The following MYO7B variants were observed in gnomAD, a reference collection of about 807,000 sequenced individuals.
The protein encoded by MYO7B is unconventional myosin-VIIb.
Under a neutral mutation model 259.7 loss-of-function variants are expected in MYO7B, and 212 were observed. That is an observed-to-expected ratio of 0.82 (90% CI 0.73 to 0.91). MYO7B has a LOEUF of 0.91. MYO7B is among the 40% of genes least tolerant of loss of function. The probability of loss-of-function intolerance (pLI) is 0.00; values close to 1 mark genes in which losing one functional copy is unlikely to be tolerated. For missense variants in MYO7B, 2,732 were observed against 2,813.5 expected, an observed-to-expected ratio of 0.97 and a Z score of 0.66; for synonymous variants, 1,197 against 1,166.4, an observed-to-expected ratio of 1.03 and a Z score of -0.54.
At chr2:127,544,394 A>G (rs1486768377) in intron 1 of MYO7B, among the ~76,000 whole-genome samples, 1 of 151,934 alleles carries the variant, frequency 6.6e-6, no homozygotes, top group Non-Finnish European at 1.5e-5. Context: ...ACACTTTCAT[A>G]TAGTTCAACC....
At chr2:127,634,823 G>A in intron 42 of MYO7B, 140 bp downstream of exon 42, 1 of 823,736 alleles carries the variant, frequency 1.2e-6, no homozygotes, top group Non-Finnish European at 2.0e-6. Context: ...ACCAGGCCCT[G>A]GGGCCCGGCG....
chr2:127,574,176 C>T (rs1271127452), intron 7 of MYO7B, 114 bp downstream of exon 7: 12 of 1,330,504 alleles, frequency 9.0e-6, no homozygotes, highest in Non-Finnish European at 1.2e-5. Context: ...CCTCCCAGAA[C>T]CCACAGGCCT....
chr2:127,563,849 A>T (rs1309429281), intron 2 of MYO7B, among the ~76,000 whole-genome samples: 1 of 152,110 alleles, frequency 6.6e-6, no homozygotes, highest in East Asian at 1.9e-4. Context: ...CCACCTTCCT[A>T]AATAGTAGCC....
rs2105133805 is a variant in MYO7B, at chr2:127,631,754, G to A, written c.5249+1G>A. On this transcript the variant is annotated splice_donor_variant, in intron 38 of 47. Transcript: ENST00000409816. LOFTEE classifies it high-confidence loss of function. The stretch of plus-strand genomic sequence containing the variant: ...AGCAGCTGACGCACAACTCCAACAG[G>A]TCTGCTGGGGCGGCGGCCAGCCCAC... 1 of 1,612,066 alleles carries A rather than the reference G, an allele frequency of 6.2e-7. No homozygotes were observed. Among genetic ancestry groups the A allele is most frequent in the Non-Finnish European group, 8.5e-7 (1 of 1,179,464 alleles).
chr2:127,574,931 A>G (rs1678800013), intron 7 of MYO7B, among the ~76,000 whole-genome samples: 1 of 152,244 alleles, frequency 6.6e-6, no homozygotes, highest in African/African-American at 2.4e-5. Context: ...CCACAACAGC[A>G]GAATTAATGC....
intron 22 of MYO7B, 32 bp downstream of exon 22, chr2:127,608,910 C>T (rs761353947): frequency 6.9e-6 from 11 of 1,593,444 alleles, no homozygotes; most frequent in Non-Finnish European, 9.4e-6. Context: ...CAATCCGCCC[C>T]GGGTGGGGAC....
At position 127,636,238 on chromosome 2, in the gene MYO7B, G is replaced by A. The variant is rs200691709; in HGVS notation, c.6037G>A (p.Asp2013Asn). ...CCTTCTAGCCTATGACAAGCATAAGGACAAGACAGTGGAGGAGGCCAAGGT... is the reference window on the plus strand; with the variant it reads ...CCTTCTAGCCTATGACAAGCATAAGAACAAGACAGTGGAGGAGGCCAAGGT... ...SILLAYDKHK[D>N]KTVEEAKVAF... Residue 2013 changes from aspartate to asparagine, a missense_variant, in exon 45 of 48, where the codon GAC (aspartate) becomes AAC (asparagine). Physicochemically the swap from Asp to Asn is conservative, Grantham distance 23. Transcript: ENST00000409816. The surrounding 1 kb of genome is among the most constrained non-coding windows in gnomAD (Gnocchi z 4.5). The A allele has an allele frequency of 1.9e-6, 3 of 1,613,640 alleles. No homozygotes were observed. Among genetic ancestry groups the A allele is most frequent in the African/African-American group, 2.7e-5 (2 of 75,046 alleles).
intron 18 of MYO7B, 136 bp downstream of exon 18, chr2:127,593,780 C>A (rs889124796): frequency 2.6e-6 from 2 of 756,636 alleles, no homozygotes; most frequent in Non-Finnish European, 4.5e-6. Flanking sequence ...GTGTGGTCCC[C>A]ACCCTCAGGG....
Position 127,628,544 on chromosome 2 carries a change from CTGGGT to C in MYO7B, c.4624+10_4624+14del, listed in dbSNP as rs1558849340. ...GGACAGGAAGGCCACAGGTGCCAGA[CTGGGT>C]GGGGTGGGGTGGGGTGGGGTGGGGT... On this transcript the variant is annotated intron_variant, in intron 34 of 47. Coordinates refer to ENST00000409816, the MANE Select transcript of MYO7B (RefSeq NM_001393586.1). This position sits in a 1 kb window ranked among gnomAD's most constrained non-coding sequence, Gnocchi z 4.8. 1 of 515,950 alleles carries C rather than the reference CTGGGT, an allele frequency of 1.9e-6. No homozygotes were observed. The highest frequency in any genetic ancestry group is 2.6e-6 in the Non-Finnish European group (1 of 387,242). The allele number at this position is 515,950 out of a possible 1,614,324, so 32.0% of individuals were successfully genotyped here. A position where few individuals can be genotyped will look rare whatever the true frequency, so the allele number is the denominator to read the frequency against.
At position 127,627,103 on chromosome 2, in the gene MYO7B, C is replaced by T; in HGVS notation, c.4333+11C>T. On this transcript the variant is annotated intron_variant, in intron 32 of 47. Transcript: ENST00000409816. This position sits in a 1 kb window ranked among gnomAD's most constrained non-coding sequence, Gnocchi z 5.6. ...TCATCACACTCTCAGGTAATGGCAT[C>T]TGACAGGGGGCAGGGAGCAGGTATG... is the stretch of plus-strand genomic sequence containing the variant. 6.2e-7 allele frequency: 1 copy of T among 1,608,710 alleles called. No individual in the cohort carries two copies. Among genetic ancestry groups the T allele is most frequent in the Non-Finnish European group, 8.5e-7 (1 of 1,177,894 alleles).
At chr2:127,592,757 G>A (rs1679607421) in intron 16 of MYO7B, 37 bp from the exon 17 acceptor site, 1 of 1,589,322 alleles carries the variant, frequency 6.3e-7, no homozygotes, top group Non-Finnish European at 8.6e-7. Flanking sequence ...TGGAAAGTGG[G>A]GCTTGCGCTG....
In MYO7B at chr2:127,634,252, G is replaced by C. The variant is rs751827701; in HGVS notation, c.5588G>C (p.Trp1863Ser). ...SIATRLQLASWEGCSLFIKIS... is the reference protein window; with the variant it reads ...SIATRLQLASSEGCSLFIKIS... ...GCCACCAGGCTGCAGCTGGCCTCCT[G>C]GGAGGGCTGCAGCCTCTTCATCAAG... The change falls in exon 41 of 48, where the codon TGG (tryptophan) becomes TCG (serine). Residue 1863 changes from tryptophan to serine, a missense_variant. By Grantham distance (177) the Trp-to-Ser change is radical. Around this residue, in one of 3 missense-constraint regions of MYO7B, gnomAD observed 821 missense variants for 769.3 expected, o/e 1.07. Coordinates refer to ENST00000409816, the MANE Select transcript of MYO7B (RefSeq NM_001393586.1). The C allele has an allele frequency of 6.3e-7, 1 of 1,594,486 alleles. No homozygotes were observed. Among genetic ancestry groups the C allele is most frequent in the South Asian group, 1.1e-5 (1 of 87,766 alleles).
At chr2:127,596,350 C>G in intron 18 of MYO7B, 112 bp from the exon 19 acceptor site, 1 of 859,636 alleles carries the variant, frequency 1.2e-6, no homozygotes, top group Non-Finnish European at 1.9e-6. Context: ...TCTGGCCTGC[C>G]CTCCTGGGAG....
chr2:127,538,872 A>G (rs1044452509), intron 1 of MYO7B, among the ~76,000 whole-genome samples: 3 of 152,154 alleles, frequency 2.0e-5, no homozygotes, highest in African/African-American at 7.2e-5. Flanking sequence ...GCTCTGCAGA[A>G]ATCTTGAGTC....
intron 18 of MYO7B, among the ~76,000 whole-genome samples, chr2:127,594,265 C>T (rs964809358): frequency 7.9e-5 from 12 of 152,222 alleles, no homozygotes; most frequent in South Asian, 2.1e-4. Context: ...GGGAACCTTC[C>T]TGTCCCCTAG....
intron 1 of MYO7B, among the ~76,000 whole-genome samples, chr2:127,545,890 CT>C (rs1693209664): frequency 6.6e-6 from 1 of 152,192 alleles, no homozygotes; most frequent in South Asian, 2.1e-4. Context: ...TTATAGTGAC[CT>C]TTCTGGGGTC....
At chr2:127,625,118 C>T (rs765636801) in intron 30 of MYO7B, among the ~76,000 whole-genome samples, 2 of 152,354 alleles carry the variant, frequency 1.3e-5, no homozygotes, top group Non-Finnish European at 2.9e-5. Context: ...CTGCTGGGTC[C>T]ACCCCAGAAC....
In MYO7B at chr2:127,599,066, C is replaced by T. The variant is rs552106765; in HGVS notation, c.2339+2510C>T. ...TGTAGTTCCTTTGCATTTCCATGTA[C>T]ATATAAAAATAATTTTGTCTATATC... On this transcript the variant is annotated intron_variant, in intron 19 of 47. Coordinates refer to ENST00000409816, the MANE Select transcript of MYO7B (RefSeq NM_001393586.1). Among the ~76,000 whole-genome samples the T allele has an allele frequency of 2.1e-4, 32 of 152,258 alleles. No individual in the cohort carries two copies. In the East Asian group the frequency reaches 5.6e-3, roughly 27 times the overall value.
intron 1 of MYO7B, among the ~76,000 whole-genome samples, chr2:127,542,334 C>T (rs957279495): frequency 6.6e-6 from 1 of 152,172 alleles, no homozygotes; most frequent in African/African-American, 2.4e-5. Context: ...CTCTGGTGTG[C>T]ACTGACAACC....
Sources: gnomAD v4.1 joint callset for allele counts (sites outside exome capture counted in the v4.1 genomes callset) on GRCh38, gnomAD v4.1.1 for gene constraint, gnomAD v4.1.1 regional missense constraint, Gnocchi (gnomAD v3.1) non-coding constraint, MANE v1.5 for transcripts, NCBI Gene and HGNC (gene_info 2026-07-23, HGNC 2026-07-21) for gene names.